The following ARSG variants were observed in gnomAD, a reference collection of about 807,000 sequenced individuals.
ARSG encodes the protein arylsulfatase G, also known as ASG.
In ARSG, 37 loss-of-function variants were observed where a neutral mutation model predicts 50.5. The ratio of observed to expected loss-of-function variants is 0.73; its 90% CI spans 0.56 to 0.96. The LOEUF (loss-of-function observed/expected upper bound fraction) is 0.96, where lower values mean the gene tolerates loss of function less well. Among genes scored for constraint, ARSG ranks in the 50% least tolerant of loss-of-function variants. The pLI is 0.00. For missense variants in ARSG, 629 were observed against 675.3 expected (o/e 0.93, Z 0.76); for synonymous variants, 225 against 254.6 (o/e 0.88, Z 1.11).
chr17:68,433,330 A>G, the ARSG span: 1 of 808,712 alleles, frequency 1.2e-6, no homozygotes, highest in South Asian at 1.8e-5. Context: ...GCTAACACAC[A>G]CTCCATCACT....
At chr17:68,337,380 A>T (rs762552371) in intron 2 of ARSG, among the ~76,000 whole-genome samples, 1 of 152,088 alleles carries the variant, frequency 6.6e-6, no homozygotes, top group Non-Finnish European at 1.5e-5. Context: ...AGAAGTAAAA[A>T]GAGGGCTGGG....
chr17:68,301,726 C>T (rs2076424841), intron 1 of ARSG, among the ~76,000 whole-genome samples: 1 of 135,482 alleles, frequency 7.4e-6, no homozygotes, highest in Non-Finnish European at 1.7e-5. Flanking sequence ...TCTTTCCTCT[C>T]TGACTCTAAT....
At position 68,333,981 on chromosome 17, in the gene ARSG, G is replaced by A. The variant is rs535801690; in HGVS notation, c.219-9623G>A. Among the ~76,000 whole-genome samples, 3 of 152,254 alleles carry A rather than the reference G, an allele frequency of 2.0e-5. No individual in the cohort carries two copies. In the South Asian group the frequency reaches 6.2e-4, roughly 32 times the overall value. The stretch of plus-strand genomic sequence containing the variant: ...TACCCAAGGCCCCCAGTGATGGAGG[G>A]AAGAAAGCCTGCAGTGTTTCTTCTA... On this transcript the variant is annotated intron_variant, in intron 2 of 11. Coordinates refer to ENST00000621439, the MANE Select transcript of ARSG (RefSeq NM_001267727.2).
At chr17:68,416,979 G>T (rs930791205) in intron 11 of ARSG, among the ~76,000 whole-genome samples, 3 of 152,122 alleles carry the variant, frequency 2.0e-5, no homozygotes, top group African/African-American at 7.2e-5. Flanking sequence ...GTTAATCAGG[G>T]ATTTTTTTCT....
At chr17:68,425,564 G>C (rs1262862799), downstream of ARSG, among the ~76,000 whole-genome samples, 1 of 152,084 alleles carries the variant, frequency 6.6e-6, no homozygotes, top group Admixed American at 6.5e-5. Context: ...GGAGGTGCGG[G>C]TCTGCCGGCC....
downstream of ARSG, chr17:68,426,238 C>T (rs1285201365): frequency 1.7e-4 from 107 of 615,270 alleles, 8 homozygotes; most frequent in Admixed American, 1.2e-4. Flanking sequence ...CATGACCTGG[C>T]GGGTGGGGAG....
rs375841879 is a variant in ARSG, at chr17:68,379,421, ATTTTTTTT to A, written c.983-5621_983-5614del. Among the ~76,000 whole-genome samples, 399 of 72,254 alleles carry A rather than the reference ATTTTTTTT, an allele frequency of 5.5e-3. 2 individuals are homozygous for A. Among genetic ancestry groups the A allele is most frequent in the South Asian group, 0.013 (20 of 1,496 alleles). 47.4% of individuals were successfully genotyped at this position (72,254 alleles called of 152,430 possible). A position where few individuals can be genotyped will look rare whatever the true frequency, so the allele number is the denominator to read the frequency against. ...GTGCCACCATGCCTGGAACACTACA[ATTTTTTTT>A]TTTTTTTTTTTTTTTTTTTTTACAG... On this transcript the variant is annotated intron_variant, in intron 8 of 11. Coordinates refer to ENST00000621439, the MANE Select transcript of ARSG (RefSeq NM_001267727.2).
intron 2 of ARSG, among the ~76,000 whole-genome samples, chr17:68,309,679 C>T (rs560604571): frequency 4.6e-5 from 7 of 151,950 alleles, no homozygotes; most frequent in Admixed American, 2.0e-4. Flanking sequence ...GCCAACCTGC[C>T]GAAACCCTCT....
At chr17:68,288,748 G>A (rs2075899765), upstream of ARSG, among the ~76,000 whole-genome samples, 2 of 152,156 alleles carry the variant, frequency 1.3e-5, no homozygotes, top group African/African-American at 2.4e-5. Context: ...AGGCAAGGCC[G>A]AAGAGTTGGT....
chr17:68,388,716 G>A (rs1479349469), intron 9 of ARSG, among the ~76,000 whole-genome samples: 1 of 152,120 alleles, frequency 6.6e-6, no homozygotes, highest in Non-Finnish European at 1.5e-5. Context: ...CATGAGGTCA[G>A]GAGTTCGAGA....
intron 2 of ARSG, among the ~76,000 whole-genome samples, chr17:68,332,846 A>G (rs151076128): frequency 1.6e-4 from 25 of 152,324 alleles, no homozygotes; most frequent in African/African-American, 6.0e-4. Flanking sequence ...GAAGCTGGTT[A>G]TGCTGTGGTG....
chr17:68,438,916 A>T, the ARSG span, among the ~76,000 whole-genome samples: 1 of 152,292 alleles, frequency 6.6e-6, no homozygotes, highest in African/African-American at 2.4e-5. Context: ...ATATGTTTTT[A>T]AAAAGGCTGT....
At chr17:68,351,093 C>G (rs1333246636) in intron 4 of ARSG, among the ~76,000 whole-genome samples, 1 of 152,066 alleles carries the variant, frequency 6.6e-6, no homozygotes, top group East Asian at 1.9e-4. Context: ...CTATTCATCT[C>G]TTATTTCTTA....
the ARSG span, among the ~76,000 whole-genome samples, chr17:68,439,732 C>G: frequency 6.6e-6 from 1 of 152,308 alleles, no homozygotes; most frequent in East Asian, 1.9e-4. Flanking sequence ...CTGAGGTCTG[C>G]TATGTACTGT....
downstream of ARSG, chr17:68,427,255 T>C: frequency 6.2e-7 from 1 of 1,610,228 alleles, no homozygotes; most frequent in Non-Finnish European, 8.5e-7. Flanking sequence ...CCAAGCAAGC[T>C]ACTTGTGACA....
At chr17:68,437,866 T>C in the ARSG span, among the ~76,000 whole-genome samples, 4 of 144,700 alleles carry the variant, frequency 2.8e-5, no homozygotes, top group African/African-American at 5.2e-5. Context: ...GAGGTGCACA[T>C]GATAGCAGTG....
chr17:68,337,591 AAGCAGAAACGC>A, intron 2 of ARSG, among the ~76,000 whole-genome samples: 1 of 128,320 alleles, frequency 7.8e-6, no homozygotes, highest in South Asian at 2.9e-4. Flanking sequence ...TTAGGAAGCT[AAGCAGAAACGC>A]TTCTATTTAT....
intron 1 of ARSG, chr17:68,272,530 A>T: frequency 7.9e-7 from 1 of 1,266,172 alleles, no homozygotes; most frequent in Non-Finnish European, 1.1e-6. Flanking sequence ...ACGTCTCATT[A>T]CACATACACT....
At chr17:68,346,736 G>T (rs1015264421) in intron 3 of ARSG, 71 of 1,268,112 alleles carry the variant, frequency 5.6e-5, no homozygotes, top group Middle Eastern at 3.3e-4. Flanking sequence ...GATGTGGGGC[G>T]GTGCACCTGC....
Sources: allele counts gnomAD v4.1 joint callset (sites outside exome capture counted in the v4.1 genomes callset), GRCh38; gene constraint gnomAD v4.1.1; transcripts MANE v1.5; gene names NCBI Gene and HGNC (gene_info 2026-07-23, HGNC 2026-07-21).